The following ERC1 variants were observed in gnomAD, a reference collection of about 807,000 sequenced individuals.
The protein encoded by ERC1 is ELKS/RAB6-interacting/CAST family member 1.
In ERC1, 56 loss-of-function variants were observed where a neutral mutation model predicts 132.0. The ratio of observed to expected loss-of-function variants is 0.42; its 90% CI spans 0.34 to 0.53. The LOEUF (loss-of-function observed/expected upper bound fraction) is 0.53, where lower values mean the gene tolerates loss of function less well. ERC1 is among the 20% of genes least tolerant of loss of function. The pLI, the probability that ERC1 is intolerant of heterozygous loss-of-function variation, is 0.03. For synonymous variants in ERC1, 478 were observed against 476.1 expected (o/e 1.00, Z -0.05); for missense variants, 1,202 against 1,349.9 (o/e 0.89, Z 1.72).
At chr12:1,449,759 A>G (rs1476042368) in intron 18 of ERC1, among the ~76,000 whole-genome samples, 5 of 152,110 alleles carry the variant, frequency 3.3e-5, no homozygotes, top group Non-Finnish European at 5.9e-5. Context: ...AGTGTTTAGA[A>G]TATTTGCACC....
At chr12:1,005,392 C>G (rs933884910) in intron 1 of ERC1, among the ~76,000 whole-genome samples, 5 of 152,196 alleles carry the variant, frequency 3.3e-5, no homozygotes, top group Non-Finnish European at 7.3e-5. Context: ...ATCTACCCAC[C>G]TTGGCCTCCG....
chr12:1,000,929 G>T (rs1228376984), intron 1 of ERC1, among the ~76,000 whole-genome samples: 1 of 151,962 alleles, frequency 6.6e-6, no homozygotes, highest in Non-Finnish European at 1.5e-5. Flanking sequence ...TTGTTTGTTT[G>T]TTTTTTTGAG....
At chr12:1,025,666 A>G (rs1191140601) in intron 1 of ERC1, among the ~76,000 whole-genome samples, 1 of 152,044 alleles carries the variant, frequency 6.6e-6, no homozygotes, top group African/African-American at 2.4e-5. Context: ...AGTATACGTT[A>G]TGTTTCTCAA....
intron 16 of ERC1, among the ~76,000 whole-genome samples, chr12:1,385,390 C>T (rs768219663): frequency 8.2e-4 from 125 of 152,152 alleles, no homozygotes; most frequent in Non-Finnish European, 1.4e-3. Context: ...TCACGCCATT[C>T]TCCTGCCTCA....
intron 12 of ERC1, among the ~76,000 whole-genome samples, chr12:1,221,009 C>T (rs144547299): frequency 0.022 from 3,276 of 152,204 alleles, 58 homozygotes; most frequent in Non-Finnish European, 0.034. Context: ...ATTCCAATCC[C>T]GCCACCCATT....
rs1051145667 is a variant in ERC1 at position 1,128,533 on chromosome 12, C to G, written c.1569+12500C>G. ...TACAGGCGTGAGGCACCGTGCCCAG[C>G]TAGCACTAGCTGTTTAGTACAGTGT... On this transcript the variant is annotated intron_variant, in intron 7 of 18. Transcript: ENST00000360905. Among the ~76,000 whole-genome samples, 6 of 152,270 alleles carry G rather than the reference C, an allele frequency of 3.9e-5. No homozygotes were observed. The South Asian group carries it at 1.2e-3, about 32-fold the overall frequency.
intron 18 of ERC1, among the ~76,000 whole-genome samples, chr12:1,469,191 T>C (rs2093807450): frequency 6.6e-6 from 1 of 152,224 alleles, no homozygotes; most frequent in Admixed American, 6.5e-5. Flanking sequence ...TCCACGCAGC[T>C]CTCTTCTCCC....
chr12:1,125,518 A>G (rs1341483593), intron 7 of ERC1, among the ~76,000 whole-genome samples: 1 of 152,112 alleles, frequency 6.6e-6, no homozygotes, highest in Non-Finnish European at 1.5e-5. Context: ...ATTTCCAATT[A>G]AAACACCAAG....
At chr12:1,169,938 A>G (rs191626281) in intron 8 of ERC1, among the ~76,000 whole-genome samples, 62 of 152,304 alleles carry the variant, frequency 4.1e-4, no homozygotes, top group Middle Eastern at 3.4e-3. Flanking sequence ...GAGGTTTTCT[A>G]TGTTGGCAGG....
chr12:1,164,291 TTTG>T (rs1232064965), intron 8 of ERC1, among the ~76,000 whole-genome samples: 1 of 100,824 alleles, frequency 9.9e-6, no homozygotes, highest in South Asian at 2.4e-4. Context: ...GTTATTTTAT[TTTG>T]TTATTTTATT....
At chr12:1,300,255 C>T (rs2080285423) in intron 15 of ERC1, among the ~76,000 whole-genome samples, 1 of 152,084 alleles carries the variant, frequency 6.6e-6, no homozygotes. Flanking sequence ...GGGATAACTG[C>T]CTAGCCATAT....
At chr12:1,321,113 G>A (rs899558107) in intron 15 of ERC1, among the ~76,000 whole-genome samples, 2 of 152,210 alleles carry the variant, frequency 1.3e-5, no homozygotes, top group African/African-American at 4.8e-5. Flanking sequence ...GTAACATGGC[G>A]AGTGCGGGGG....
intron 2 of ERC1, among the ~76,000 whole-genome samples, chr12:1,078,328 C>T (rs1433023995): frequency 6.6e-6 from 1 of 152,008 alleles, no homozygotes; most frequent in African/African-American, 2.4e-5. Context: ...CATTTTGATA[C>T]ATCTTTTTAT....
rs145217722 is a variant in ERC1, at chr12:1,431,003, G to A, written c.3025-13559G>A. ...CCCAAATGGTTTCTAGTCTCTCTTGGTTGAGAAAATAGAGAACACCGTCTG... is the reference window on the plus strand; with the variant it reads ...CCCAAATGGTTTCTAGTCTCTCTTGATTGAGAAAATAGAGAACACCGTCTG... On this transcript the variant is annotated intron_variant, in intron 17 of 18. Coordinates refer to ENST00000360905, the MANE Select transcript of ERC1 (RefSeq NM_178040.4). Among the ~76,000 whole-genome samples the A allele has an allele frequency of 3.9e-5, 6 of 152,284 alleles. No individual in the cohort carries two copies. In the East Asian group the frequency reaches 9.6e-4, roughly 24 times the overall value.
chr12:1,232,372 A>G (rs2075109063), intron 12 of ERC1, among the ~76,000 whole-genome samples: 1 of 152,184 alleles, frequency 6.6e-6, no homozygotes, highest in Non-Finnish European at 1.5e-5. Context: ...TTCTCAGGCA[A>G]CAGACATTCA....
chr12:1,369,834 A>C (rs1025360560), intron 15 of ERC1, among the ~76,000 whole-genome samples: 2 of 152,234 alleles, frequency 1.3e-5, no homozygotes, highest in African/African-American at 4.8e-5. Flanking sequence ...CTCTTCCAGC[A>C]GCAAAACTAG....
chr12:1,213,601 G>A (rs1455546990), intron 12 of ERC1, among the ~76,000 whole-genome samples: 1 of 151,968 alleles, frequency 6.6e-6, no homozygotes, highest in Non-Finnish European at 1.5e-5. Context: ...CCTGGTTGTG[G>A]TGGTGGGCAC....
intron 1 of ERC1, among the ~76,000 whole-genome samples, chr12:1,009,610 A>AC (rs11368622): frequency 0.59 from 89,921 of 151,976 alleles, 27,512 homozygotes; most frequent in African/African-American, 0.74. Flanking sequence ...TGCATATAAT[A>AC]CGTATTTCTT....
chr12:1,261,322 T>C (rs2077129348), intron 13 of ERC1, among the ~76,000 whole-genome samples: 1 of 152,220 alleles, frequency 6.6e-6, no homozygotes, highest in Admixed American at 6.5e-5. Flanking sequence ...CGTAAGTTGC[T>C]AATGAGAAAC....
Sources: gnomAD v4.1 joint callset for allele counts (sites outside exome capture counted in the v4.1 genomes callset) on GRCh38, gnomAD v4.1.1 for gene constraint, MANE v1.5 for transcripts, NCBI Gene and HGNC (gene_info 2026-07-23, HGNC 2026-07-21) for gene names.